The following SLC44A5 variants were observed in gnomAD, a reference collection of about 807,000 sequenced individuals.
The protein encoded by SLC44A5 is choline transporter-like protein 5.
In SLC44A5, 57 loss-of-function variants were observed where a neutral mutation model predicts 101.8. That is an observed-to-expected ratio of 0.56 (90% CI 0.45 to 0.70). SLC44A5 has a LOEUF of 0.70. Ranked by LOEUF, SLC44A5 falls within the 30% of genes least tolerant of loss-of-function variation. The pLI is 0.00. For synonymous variants in SLC44A5, 281 were observed against 290.9 expected (o/e 0.97, Z 0.35); for missense variants, 737 against 853.1 (o/e 0.86, Z 1.70).
chr1:75,655,496 A>G, the SLC44A5 span, among the ~76,000 whole-genome samples: 3 of 152,176 alleles, frequency 2.0e-5, no homozygotes, highest in Non-Finnish European at 4.4e-5. Flanking sequence ...TCCAGGCCAT[A>G]GTAACTGTGG....
intron 5 of SLC44A5, among the ~76,000 whole-genome samples, chr1:75,293,947 T>C (rs1472316457): frequency 1.3e-5 from 2 of 152,202 alleles, no homozygotes; most frequent in African/African-American, 4.8e-5. Context: ...GTAATTTAAT[T>C]TGTAAATATT....
intron 1 of SLC44A5, among the ~76,000 whole-genome samples, chr1:75,558,561 G>A (rs1215526159): frequency 6.6e-6 from 1 of 152,086 alleles, no homozygotes; most frequent in Non-Finnish European, 1.5e-5. Context: ...ATGGCTGTAG[G>A]TTGGTTAGCT....
At chr1:75,571,410 AAAAT>A (rs1673065439) in intron 1 of SLC44A5, among the ~76,000 whole-genome samples, 1 of 152,172 alleles carries the variant, frequency 6.6e-6, no homozygotes, top group Admixed American at 6.5e-5. Context: ...TGATTAGCAA[AAAAT>A]AAATACAGAC....
At chr1:75,481,224 C>A (rs1200115626) in intron 2 of SLC44A5, among the ~76,000 whole-genome samples, 1 of 152,148 alleles carries the variant, frequency 6.6e-6, no homozygotes, top group East Asian at 1.9e-4. Flanking sequence ...AAACTGGATC[C>A]CTTCCTTATG....
At position 75,495,454 on chromosome 1, in the gene SLC44A5, C is replaced by T. The variant is rs1388406113; in HGVS notation, c.13+45981G>A. Among the ~76,000 whole-genome samples the T allele has an allele frequency of 2.0e-5, 3 of 151,136 alleles. No individual in the cohort carries two copies. The East Asian group carries it at 5.8e-4, about 29-fold the overall frequency. On this transcript the variant is annotated intron_variant, in intron 2 of 23. Transcript: ENST00000370859. ...CGGGTGACAGAGAGAGACTCCATCT[C>T]AAAAAAACAAAGAAACAAACAAAAA...
rs554916701 is a variant in SLC44A5 at position 75,234,564 on chromosome 1, C to T, written c.741-466G>A. On this transcript the variant is annotated intron_variant, in intron 11 of 23. Coordinates refer to ENST00000370859, the MANE Select transcript of SLC44A5 (RefSeq NM_001130058.2). ...TAGAAGTAAGAGAATCATTTTGGGG[C>T]AGAAAGATAAGAAAAATAACTGGCC... Among the ~76,000 whole-genome samples, 274 of 151,920 alleles carry T rather than the reference C, an allele frequency of 1.8e-3. 1 individual carries two copies. Among genetic ancestry groups the T allele is most frequent in the African/African-American group, 6.4e-3 (265 of 41,462 alleles).
At chr1:75,518,708 T>G (rs1669964005) in intron 2 of SLC44A5, among the ~76,000 whole-genome samples, 1 of 152,186 alleles carries the variant, frequency 6.6e-6, no homozygotes, top group South Asian at 2.1e-4. Flanking sequence ...TTAGAATAAC[T>G]TCCATAATCA....
chr1:75,431,425 C>T (rs1217321042), intron 2 of SLC44A5, among the ~76,000 whole-genome samples: 2 of 152,096 alleles, frequency 1.3e-5, no homozygotes, highest in Non-Finnish European at 2.9e-5. Flanking sequence ...GATTGGGTTA[C>T]ACTACTTTAA....
chr1:75,514,134 G>A (rs946083339), intron 2 of SLC44A5, among the ~76,000 whole-genome samples: 2 of 152,142 alleles, frequency 1.3e-5, no homozygotes, highest in East Asian at 1.9e-4. Context: ...AGTGGGCCAT[G>A]AGCACCCAGT....
chr1:75,281,432 C>T (rs1652542054), intron 5 of SLC44A5, among the ~76,000 whole-genome samples: 1 of 151,912 alleles, frequency 6.6e-6, no homozygotes, highest in Non-Finnish European at 1.5e-5. Flanking sequence ...TGCAGCCCAA[C>T]AATGTGACAG....
chr1:75,679,988 A>C, the SLC44A5 span, among the ~76,000 whole-genome samples: 6,700 of 152,266 alleles, frequency 0.044, 200 homozygotes, highest in African/African-American at 0.092. Flanking sequence ...AAAGACTTTA[A>C]ACCAACAAAG....
the SLC44A5 span, among the ~76,000 whole-genome samples, chr1:75,707,330 C>G: frequency 6.6e-6 from 1 of 152,146 alleles, no homozygotes; most frequent in East Asian, 1.9e-4. Context: ...AGTGCAGGCA[C>G]AATGCCAAAA....
At chr1:75,241,940 A>C in intron 9 of SLC44A5, 61 bp downstream of exon 9, 1 of 1,397,178 alleles carries the variant, frequency 7.2e-7, no homozygotes, top group Non-Finnish European at 1.0e-6. Flanking sequence ...AAATACGGGA[A>C]CTTAATTAAG....
chr1:75,690,992 G>GAA, the SLC44A5 span, among the ~76,000 whole-genome samples: 556 of 147,574 alleles, frequency 3.8e-3, no homozygotes, highest in Middle Eastern at 0.014. Context: ...GAAAATAAAG[G>GAA]AAAAAAAAAA....
At chr1:75,292,026 A>G (rs868121171) in intron 5 of SLC44A5, among the ~76,000 whole-genome samples, 2 of 62,966 alleles carry the variant, frequency 3.2e-5, no homozygotes, top group Admixed American at 2.4e-4. Flanking sequence ...AAAAAAAAAG[A>G]AAAGAAAAGA....
At chr1:75,336,894 G>T (rs182086866) in intron 4 of SLC44A5, among the ~76,000 whole-genome samples, 1 of 152,128 alleles carries the variant, frequency 6.6e-6, no homozygotes, top group Non-Finnish European at 1.5e-5. Flanking sequence ...TGCAAATAGC[G>T]CAGAGAACTC....
intron 2 of SLC44A5, among the ~76,000 whole-genome samples, chr1:75,494,505 C>G (rs1398547529): frequency 6.6e-6 from 1 of 152,140 alleles, no homozygotes; most frequent in Non-Finnish European, 1.5e-5. Context: ...CAGGCAATCA[C>G]TAATGCCCTG....
At chr1:75,458,305 G>T (rs905344400) in intron 2 of SLC44A5, among the ~76,000 whole-genome samples, 2 of 152,166 alleles carry the variant, frequency 1.3e-5, no homozygotes, top group Non-Finnish European at 2.9e-5. Flanking sequence ...ATGAAGAAAT[G>T]GTTTGGTCAT....
chr1:75,211,814 C>CTTACTTTTCT (rs1553140824), intron 22 of SLC44A5, among the ~76,000 whole-genome samples: 1 of 146,668 alleles, frequency 6.8e-6, no homozygotes. Context: ...TTCCTTTCCC[C>CTTACTTTTCT]TTTCTTTTCT....
Sources: allele counts gnomAD v4.1 joint callset (sites outside exome capture counted in the v4.1 genomes callset), GRCh38; gene constraint gnomAD v4.1.1; transcripts MANE v1.5; gene names NCBI Gene and HGNC (gene_info 2026-07-23, HGNC 2026-07-21).